TMOD1: variants seen among roughly 807,000 people sequenced by gnomAD.
The protein encoded by TMOD1 is tropomodulin-1.
TMOD1 carries 17 observed loss-of-function variants against 40.6 expected under a neutral mutation model. That is an observed-to-expected ratio of 0.42 (90% CI 0.29 to 0.63). The LOEUF (loss-of-function observed/expected upper bound fraction) is 0.63. TMOD1 is among the 20% of genes least tolerant of loss of function. The pLI, the probability that TMOD1 is intolerant of heterozygous loss-of-function variation, is 0.22. For synonymous variants in TMOD1, 181 were observed against 175.0 expected, an observed-to-expected ratio of 1.03 and a Z score of -0.27; for missense variants, 391 against 447.6, an observed-to-expected ratio of 0.87 and a Z score of 1.14.
intron 8 of TMOD1, among the ~76,000 whole-genome samples, chr9:97,584,720 T>C (rs1825831586): frequency 6.6e-6 from 1 of 152,042 alleles, no homozygotes; most frequent in East Asian, 1.9e-4. Context: ...GATAGTTAGC[T>C]CTTCTTGTTG....
Position 97,600,075 on chromosome 9 carries a change from C to T in TMOD1, c.*377C>T. 4 of 1,038,444 alleles carry T rather than the reference C, an allele frequency of 3.9e-6. No individual in the cohort carries two copies. Among genetic ancestry groups the T allele is most frequent in the Non-Finnish European group, 4.7e-6 (4 of 859,736 alleles). 64.3% of individuals were successfully genotyped at this position (1,038,444 alleles called of 1,614,324 possible). ...TGTGACACAGAAACGGCACACTCTT[C>T]CACATGCTTTTGAAGTATTATAAAA... On this transcript the variant is annotated 3_prime_UTR_variant, in exon 10 of 10. Coordinates refer to ENST00000259365, the MANE Select transcript of TMOD1 (RefSeq NM_003275.4).
At chr9:97,576,443 G>A (rs565259009) in intron 8 of TMOD1, among the ~76,000 whole-genome samples, 118 of 152,072 alleles carry the variant, frequency 7.8e-4, no homozygotes, top group Non-Finnish European at 1.2e-3. Flanking sequence ...AACAGAGTGA[G>A]ACACAGTCTC....
chr9:97,593,424 C>T (rs1421823191), intron 9 of TMOD1, among the ~76,000 whole-genome samples: 2 of 152,098 alleles, frequency 1.3e-5, no homozygotes, highest in African/African-American at 4.8e-5. Flanking sequence ...CTTATCCCTC[C>T]AGTTCCCTTA....
chr9:97,598,825 C>T (rs1826178341), intron 9 of TMOD1, among the ~76,000 whole-genome samples: 1 of 152,188 alleles, frequency 6.6e-6, no homozygotes, highest in African/African-American at 2.4e-5. Context: ...TTCCCTCCAC[C>T]ATAGCTTCCT....
Position 97,526,733 on chromosome 9 carries a change from C to A in TMOD1, c.120+2425C>A, listed in dbSNP as rs188791077. Among the ~76,000 whole-genome samples the A allele has an allele frequency of 7.2e-5, 11 of 152,276 alleles. No individual in the cohort carries two copies. The East Asian group carries it at 2.1e-3, about 29-fold the overall frequency. ...AGAAGTTAGGTGTTTCGCTTCCAAT[C>A]CCAACCCTGTCTCTTCCACTCCATG... is the stretch of plus-strand genomic sequence containing the variant. On this transcript the variant is annotated intron_variant, in intron 2 of 9. Transcript: ENST00000259365.
intron 8 of TMOD1, among the ~76,000 whole-genome samples, chr9:97,584,993 A>C (rs1171784177): frequency 6.6e-6 from 1 of 152,194 alleles, no homozygotes; most frequent in East Asian, 1.9e-4. Context: ...TAGAGCATTT[A>C]GTCCATTTAC....
intron 7 of TMOD1, among the ~76,000 whole-genome samples, 184 bp downstream of exon 7, chr9:97,566,139 G>A (rs550974968): frequency 3.3e-5 from 5 of 152,198 alleles, no homozygotes; most frequent in South Asian, 4.1e-4. Flanking sequence ...CCACCTACAC[G>A]TCATCCTGGC....
intron 2 of TMOD1, among the ~76,000 whole-genome samples, chr9:97,536,725 C>T (rs888491671): frequency 1.3e-5 from 2 of 152,142 alleles, no homozygotes; most frequent in African/African-American, 2.4e-5. Flanking sequence ...CTCCCTTCCC[C>T]GGCCCTTGGC....
At chr9:97,563,993 G>GC (rs746371673) in intron 5 of TMOD1, 45 bp from the exon 6 acceptor site, 2 of 1,590,412 alleles carry the variant, frequency 1.3e-6, no homozygotes, top group Non-Finnish European at 1.7e-6. Context: ...CAGAAAGTGA[G>GC]CCCCTTGTTT....
intron 4 of TMOD1, 34 bp downstream of exon 4, chr9:97,553,434 C>T (rs904475492): frequency 1.2e-6 from 2 of 1,613,268 alleles, no homozygotes; most frequent in Non-Finnish European, 1.7e-6. Flanking sequence ...CCACATCCTC[C>T]AGAAGGATTT....
At chr9:97,550,714 G>A (rs534955215) in intron 3 of TMOD1, among the ~76,000 whole-genome samples, 1 of 152,000 alleles carries the variant, frequency 6.6e-6, no homozygotes, top group South Asian at 2.1e-4. Flanking sequence ...TTTTAAAATT[G>A]GGTTGTTTTT....
intron 1 of TMOD1, among the ~76,000 whole-genome samples, chr9:97,521,480 C>T (rs954387802): frequency 6.6e-6 from 1 of 152,146 alleles, no homozygotes; most frequent in Non-Finnish European, 1.5e-5. Context: ...CCTCTTGGCC[C>T]CAGCACAGAG....
chr9:97,540,597 A>T (rs920595505), intron 2 of TMOD1, among the ~76,000 whole-genome samples: 1 of 152,142 alleles, frequency 6.6e-6, no homozygotes, highest in Non-Finnish European at 1.5e-5. Flanking sequence ...TACAGATTTG[A>T]CTGTTCTGTA....
chr9:97,574,218 G>A lies in TMOD1; in HGVS notation c.870+5181G>A, dbSNP rs575471038. ...CCCTCAGCTTGCGGGGAGGTGTGGAGGGAGAGGCGCCGGCGGGAACCAGGG... is the reference window on the plus strand; with the variant it reads ...CCCTCAGCTTGCGGGGAGGTGTGGAAGGAGAGGCGCCGGCGGGAACCAGGG... On this transcript the variant is annotated intron_variant, in intron 8 of 9. Transcript: ENST00000259365. Among the ~76,000 whole-genome samples the A allele has an allele frequency of 3.3e-4, 50 of 152,192 alleles. 1 individual carries two copies. The South Asian group carries it at 7.7e-3, about 23-fold the overall frequency.
intron 9 of TMOD1, among the ~76,000 whole-genome samples, chr9:97,594,432 C>T (rs896129299): frequency 2.6e-5 from 4 of 152,214 alleles, no homozygotes; most frequent in Non-Finnish European, 5.9e-5. Context: ...ATATTTGTAT[C>T]GTAAAAGCCT....
intron 1 of TMOD1, 52 bp from the exon 2 acceptor site, chr9:97,524,089 T>C: frequency 7.0e-6 from 10 of 1,438,748 alleles, no homozygotes; most frequent in Non-Finnish European, 9.3e-6. Flanking sequence ...CCATTTGCTC[T>C]GAGAGAGCAA....
chr9:97,533,788 C>T (rs1263755738), intron 2 of TMOD1, among the ~76,000 whole-genome samples: 2 of 152,220 alleles, frequency 1.3e-5, no homozygotes, highest in African/African-American at 2.4e-5. Context: ...CCCAGGTTAT[C>T]AGGTAGGGTG....
rs534763147 is a variant in TMOD1, at chr9:97,564,859, G to T, written c.618+691G>T. 1.4e-4 allele frequency among the ~76,000 whole-genome samples: 21 copies of T among 152,010 alleles called. 1 individual carries two copies. Among genetic ancestry groups the T allele is most frequent in the Admixed American group, 1.1e-3 (17 of 15,262 alleles). On this transcript the variant is annotated intron_variant, in intron 6 of 9. Coordinates refer to ENST00000259365, the MANE Select transcript of TMOD1 (RefSeq NM_003275.4). ...GAGACCAGTGGATTAGTTCTGGGAG[G>T]GGGGTGGGGGTAAGACTAGAAGCCA...
chr9:97,536,953 T>C (rs969559176), intron 2 of TMOD1, among the ~76,000 whole-genome samples: 3 of 152,148 alleles, frequency 2.0e-5, no homozygotes, highest in Non-Finnish European at 4.4e-5. Flanking sequence ...GGTTAAGGGG[T>C]TTTGCATGGT....
Sources: allele counts gnomAD v4.1 joint callset (sites outside exome capture counted in the v4.1 genomes callset), GRCh38; gene constraint gnomAD v4.1.1; transcripts MANE v1.5; gene names NCBI Gene and HGNC (gene_info 2026-07-23, HGNC 2026-07-21).